Variants in NKAIN2 observed in about 807,000 individuals in gnomAD.
NKAIN2 encodes sodium/potassium-transporting ATPase subunit beta-1-interacting protein 2.
NKAIN2 carries 14 observed loss-of-function variants against 32.6 expected under a neutral mutation model. The observed-to-expected ratio is 0.43, with a 90% CI of 0.28 to 0.67. The LOEUF is 0.67. Ranked by LOEUF, NKAIN2 falls within the 30% of genes least tolerant of loss-of-function variation. The probability of loss-of-function intolerance (pLI) is 0.17; values close to 1 mark genes in which losing one functional copy is unlikely to be tolerated. For synonymous variants in NKAIN2, 80 were observed against 87.2 expected, an observed-to-expected ratio of 0.92 and a Z score of 0.46; for missense variants, 198 against 258.3, an observed-to-expected ratio of 0.77 and a Z score of 1.60.
At chr6:123,920,196 G>A (rs745394513) in intron 1 of NKAIN2, among the ~76,000 whole-genome samples, 4 of 152,050 alleles carry the variant, frequency 2.6e-5, no homozygotes, top group Admixed American at 2.0e-4. Flanking sequence ...GTTTGTTCTT[G>A]CAAAGTGGTT....
intron 3 of NKAIN2, among the ~76,000 whole-genome samples, chr6:124,487,581 C>T (rs971777632): frequency 7.9e-5 from 12 of 152,112 alleles, no homozygotes; most frequent in African/African-American, 2.4e-4. Context: ...GCCCATTTTC[C>T]GGCACTCACA....
At chr6:124,534,794 G>A (rs1779655279) in intron 3 of NKAIN2, among the ~76,000 whole-genome samples, 1 of 151,926 alleles carries the variant, frequency 6.6e-6, no homozygotes, top group African/African-American at 2.4e-5. Flanking sequence ...CAACACTTAT[G>A]CACTTGAAAA....
chr6:123,966,230 G>A (rs535114400), intron 1 of NKAIN2, among the ~76,000 whole-genome samples: 2 of 152,198 alleles, frequency 1.3e-5, no homozygotes, highest in South Asian at 2.1e-4. Flanking sequence ...AGGAATGCAG[G>A]GATACTCTTC....
intron 5 of NKAIN2, among the ~76,000 whole-genome samples, chr6:124,808,129 C>T (rs1414881682): frequency 6.6e-6 from 1 of 152,060 alleles, no homozygotes; most frequent in East Asian, 1.9e-4. Flanking sequence ...CCCTAACTCA[C>T]TTTATGAGGC....
At position 124,030,687 on chromosome 6, in the gene NKAIN2, A is replaced by G. The variant is rs553079910; in HGVS notation, c.54+226433A>G. On this transcript the variant is annotated intron_variant, in intron 1 of 6. Transcript: ENST00000368417. ...ATAGCTATCAACACTAGCTTTACAG[A>G]TGACTTCACAATTACATAGGACACT... Among the ~76,000 whole-genome samples the G allele has an allele frequency of 9.1e-4, 138 of 152,344 alleles. 2 individuals carry two copies. In the South Asian group the frequency reaches 0.028, roughly 31 times the overall value.
chr6:124,299,496 T>C, intron 2 of NKAIN2, among the ~76,000 whole-genome samples: 1 of 152,186 alleles, frequency 6.6e-6, no homozygotes, highest in Non-Finnish European at 1.5e-5. Context: ...TATTACCAAA[T>C]GTAGCCTTTC....
chr6:124,821,660 G>T (rs1781399846), intron 6 of NKAIN2, among the ~76,000 whole-genome samples: 1 of 152,138 alleles, frequency 6.6e-6, no homozygotes, highest in South Asian at 2.1e-4. Flanking sequence ...CCTCTTTACT[G>T]CATGAGAGTG....
intron 4 of NKAIN2, among the ~76,000 whole-genome samples, chr6:124,661,565 C>A (rs1784745839): frequency 6.6e-6 from 1 of 152,146 alleles, no homozygotes; most frequent in Non-Finnish European, 1.5e-5. Context: ...CAATCTACAG[C>A]CAAAGGAAGA....
At chr6:124,060,155 G>A (rs1257032253) in intron 1 of NKAIN2, among the ~76,000 whole-genome samples, 2 of 152,106 alleles carry the variant, frequency 1.3e-5, no homozygotes, top group Non-Finnish European at 2.9e-5. Context: ...ACTGCTGTGT[G>A]GGCTAATGGA....
chr6:124,337,793 G>A (rs754974535), intron 2 of NKAIN2, among the ~76,000 whole-genome samples: 3 of 152,096 alleles, frequency 2.0e-5, no homozygotes, highest in Non-Finnish European at 1.5e-5. Context: ...AAGAAATTGT[G>A]TACTATATAT....
chr6:124,818,300 A>G, intron 5 of NKAIN2, 87 bp from the exon 6 acceptor site: 1 of 568,592 alleles, frequency 1.8e-6, no homozygotes, highest in Non-Finnish European at 3.2e-6. Flanking sequence ...TATTACTAAT[A>G]AAAGGTTTAT....
intron 3 of NKAIN2, among the ~76,000 whole-genome samples, chr6:124,485,567 A>G (rs979966883): frequency 2.0e-5 from 3 of 152,122 alleles, no homozygotes; most frequent in African/African-American, 7.2e-5. Context: ...CATGCGTCTC[A>G]GCTTAATGTT....
intron 1 of NKAIN2, among the ~76,000 whole-genome samples, chr6:124,086,279 C>A (rs1436142780): frequency 7.2e-5 from 11 of 151,880 alleles, no homozygotes; most frequent in Admixed American, 3.3e-4. Context: ...GGTTAGTAAA[C>A]TTTGGAGTTT....
intron 3 of NKAIN2, among the ~76,000 whole-genome samples, chr6:124,524,609 A>G (rs9388341): frequency 0.026 from 3,947 of 152,274 alleles, 191 homozygotes; most frequent in East Asian, 0.17. Flanking sequence ...AGTAGGGCAT[A>G]TGTTGTTAGC....
intron 1 of NKAIN2, among the ~76,000 whole-genome samples, chr6:124,033,414 A>G (rs1318261135): frequency 6.6e-6 from 1 of 152,134 alleles, no homozygotes; most frequent in Admixed American, 6.6e-5. Context: ...TTAATGGTAT[A>G]CAAGTAGGGG....
At chr6:124,450,784 T>C (rs1776073855) in intron 3 of NKAIN2, among the ~76,000 whole-genome samples, 1 of 152,066 alleles carries the variant, frequency 6.6e-6, no homozygotes, top group South Asian at 2.1e-4. Flanking sequence ...AAGCATAATT[T>C]TAATTTAATT....
intron 1 of NKAIN2, among the ~76,000 whole-genome samples, chr6:124,111,987 A>G (rs1017025484): frequency 2.6e-4 from 39 of 152,010 alleles, no homozygotes; most frequent in Non-Finnish European, 2.1e-4. Context: ...ATTATTTTCA[A>G]AATCTATTCA....
At chr6:124,497,730 TA>T (rs373580318) in intron 3 of NKAIN2, among the ~76,000 whole-genome samples, 6 of 138,474 alleles carry the variant, frequency 4.3e-5, no homozygotes, top group Admixed American at 2.3e-4. Flanking sequence ...AAAGCTTACA[TA>T]AAAAAAAACT....
At chr6:124,424,542 C>T (rs966936311) in intron 3 of NKAIN2, among the ~76,000 whole-genome samples, 1 of 152,110 alleles carries the variant, frequency 6.6e-6, no homozygotes, top group Non-Finnish European at 1.5e-5. Flanking sequence ...ACCCTTTAAC[C>T]AACATCTCAT....
Sources: gnomAD v4.1 joint callset for allele counts (sites outside exome capture counted in the v4.1 genomes callset) on GRCh38, gnomAD v4.1.1 for gene constraint, MANE v1.5 for transcripts, NCBI Gene and HGNC (gene_info 2026-07-23, HGNC 2026-07-21) for gene names.